Variants in FREM1 observed in about 807,000 individuals in gnomAD.
The protein encoded by FREM1 is FRAS1 related extracellular matrix 1, also known as FRAS1-related extracellular matrix protein 1.
FREM1 carries 220 observed loss-of-function variants against 210.1 expected under a neutral mutation model. That is an observed-to-expected ratio of 1.05 (90% confidence interval 0.94 to 1.17). FREM1 has a LOEUF of 1.17. Ranked by LOEUF, FREM1 falls within the 50% of genes most tolerant of loss-of-function variation. The pLI, the probability that FREM1 is intolerant of heterozygous loss-of-function variation, is 0.00. For synonymous variants in FREM1, 1,189 were observed against 980.2 expected (o/e 1.21, Z -3.98); for missense variants, 3,454 against 2,675.5 (o/e 1.29, Z -6.42).
chr9:14,738,608 A>C (rs1840842837), intron 36 of FREM1, among the ~76,000 whole-genome samples: 1 of 152,206 alleles, frequency 6.6e-6, no homozygotes, highest in African/African-American at 2.4e-5. Flanking sequence ...GTGAAAGCCA[A>C]GAGAGGGAAC....
chr9:14,781,221 G>C (rs560076007), intron 24 of FREM1, among the ~76,000 whole-genome samples: 18 of 152,212 alleles, frequency 1.2e-4, no homozygotes, highest in Admixed American at 7.8e-4. Flanking sequence ...TCGCAAGGTG[G>C]TGTCATAAGG....
At chr9:14,788,885 T>C (rs746565357) in intron 23 of FREM1, 34 bp downstream of exon 23, 4 of 1,561,202 alleles carry the variant, frequency 2.6e-6, no homozygotes, top group Non-Finnish European at 3.5e-6. Flanking sequence ...TTAGCAAAGT[T>C]GATCCCAGTA....
chr9:14,861,012 C>CAT (rs1333215742), intron 3 of FREM1, among the ~76,000 whole-genome samples: 12 of 105,416 alleles, frequency 1.1e-4, no homozygotes, highest in African/African-American at 2.3e-4. Flanking sequence ...CACATATATA[C>CAT]ATATATACAC....
intron 9 of FREM1, 64 bp downstream of exon 9, chr9:14,842,252 G>A: frequency 1.0e-6 from 1 of 981,096 alleles, no homozygotes; most frequent in Non-Finnish European, 1.5e-6. Context: ...CCAGAAGGAT[G>A]CATAGAAGGT....
intron 10 of FREM1, among the ~76,000 whole-genome samples, chr9:14,837,004 T>C (rs187359156): frequency 8.4e-4 from 128 of 152,320 alleles, no homozygotes; most frequent in Non-Finnish European, 2.2e-4. Context: ...CAGCTCTTAG[T>C]CAGGTGGGCA....
intron 1 of FREM1, among the ~76,000 whole-genome samples, chr9:14,902,019 T>G (rs945255040): frequency 6.6e-6 from 1 of 151,960 alleles, no homozygotes; most frequent in Non-Finnish European, 1.5e-5. Flanking sequence ...CTGGTTTTTT[T>G]TTTTTTTTAA....
intron 19 of FREM1, among the ~76,000 whole-genome samples, chr9:14,802,823 A>G (rs541595292): frequency 6.6e-5 from 10 of 152,210 alleles, no homozygotes; most frequent in African/African-American, 2.4e-4. Flanking sequence ...AAGGTCCATC[A>G]ATAACTATAA....
At position 14,823,321 on chromosome 9, in the gene FREM1, CA is replaced by C; in HGVS notation, c.2175del (p.Val726Ter). The C allele has an allele frequency of 6.2e-7, 1 of 1,612,770 alleles. No individual in the cohort carries two copies. ...ATGTAGGCCACTTTCATATAGTTCACAGCATGCTGCAAAGTAAGTTGAGATG... is the reference window on the plus strand; with the variant it reads ...ATGTAGGCCACTTTCATATAGTTCACGCATGCTGCAAAGTAAGTTGAGATG... ...ALELRSFTQH[A>X]VNYMKVAYMP... On this transcript the variant is annotated frameshift_variant, in exon 13 of 37. Transcript: ENST00000380880. LOFTEE classifies it high-confidence loss of function.
At chr9:14,775,751 C>T (rs781347267) in intron 25 of FREM1, 38 bp downstream of exon 25, 3 of 924,996 alleles carry the variant, frequency 3.2e-6, no homozygotes, top group Non-Finnish European at 3.3e-6. Flanking sequence ...TCACTGTTTT[C>T]ACATCTCTGG....
At position 14,792,657 on chromosome 9, in the gene FREM1, A is replaced by C. The variant is rs1388214914; in HGVS notation, c.3981+86T>G. The C allele has an allele frequency of 7.6e-6, 8 of 1,047,358 alleles. No individual in the cohort carries two copies. In the East Asian group the frequency reaches 2.1e-4, roughly 27 times the overall value. 64.9% of individuals were successfully genotyped at this position (1,047,358 alleles called of 1,614,324 possible). Reference sequence around the variant, plus strand: ...TAGGCAAATATATGTCTATCAGAGAATAAATCCCATCATAGAAATGTGTAT... The same window carrying C: ...TAGGCAAATATATGTCTATCAGAGACTAAATCCCATCATAGAAATGTGTAT... On this transcript the variant is annotated intron_variant, in intron 22 of 36. Transcript: ENST00000380880.
At position 14,750,130 on chromosome 9, in the gene FREM1, C is replaced by T. The variant is rs748811994; in HGVS notation, c.5554G>A (p.Gly1852Arg). The T allele has an allele frequency of 1.1e-5, 17 of 1,613,674 alleles. No individual in the cohort carries two copies. Among genetic ancestry groups the T allele is most frequent in the Admixed American group, 1.7e-5 (1 of 59,982 alleles). Reference sequence around the variant, plus strand: ...AAGATGAGGATCAAAAGAATACCTCCTTTTGAGTCCAAAATTTTCACTGCA... The same window carrying T: ...AAGATGAGGATCAAAAGAATACCTCTTTTTGAGTCCAAAATTTTCACTGCA... ...KAAVKILDSKGGQCHPSYSSN... is the reference protein window; with the variant it reads ...KAAVKILDSKRGQCHPSYSSN... Residue 1852 changes from glycine to arginine, a missense_variant, in exon 30 of 37, where the codon GGA (glycine) becomes AGA (arginine). Coordinates refer to ENST00000380880, the MANE Select transcript of FREM1 (RefSeq NM_001379081.2).
intron 1 of FREM1, among the ~76,000 whole-genome samples, chr9:14,882,772 G>A (rs1422868326): frequency 1.3e-5 from 2 of 151,506 alleles, no homozygotes; most frequent in Non-Finnish European, 2.9e-5. Flanking sequence ...TTCTAATCCT[G>A]ATTTTTATGA....
At chr9:14,829,392 T>C (rs983193752) in intron 10 of FREM1, among the ~76,000 whole-genome samples, 41 of 152,202 alleles carry the variant, frequency 2.7e-4, no homozygotes, top group African/African-American at 9.4e-4. Context: ...TTGGTTGCCA[T>C]GACTGTCATC....
chr9:14,745,418 C>A (rs968936784), intron 35 of FREM1, among the ~76,000 whole-genome samples: 2 of 152,100 alleles, frequency 1.3e-5, no homozygotes, highest in African/African-American at 2.4e-5. Context: ...TATTGACCAA[C>A]TGGACATCTA....
chr9:14,746,168 A>T (rs1428719615), intron 35 of FREM1, among the ~76,000 whole-genome samples, 185 bp downstream of exon 35: 1 of 152,218 alleles, frequency 6.6e-6, no homozygotes, highest in African/African-American at 2.4e-5. Context: ...AACCAAATAC[A>T]TTATCAAGGC....
chr9:14,852,294 A>G (rs899468118), intron 5 of FREM1, among the ~76,000 whole-genome samples: 1 of 152,196 alleles, frequency 6.6e-6, no homozygotes, highest in African/African-American at 2.4e-5. Flanking sequence ...CTAGGCATGC[A>G]TCCTCCCAAA....
intron 28 of FREM1, 124 bp downstream of exon 28, chr9:14,759,648 G>C: frequency 1.2e-6 from 1 of 835,922 alleles, no homozygotes; most frequent in East Asian, 2.6e-5. Flanking sequence ...CCTCAGAATA[G>C]TGGGATCTCC....
At chr9:14,795,774 G>A (rs143552270) in intron 21 of FREM1, among the ~76,000 whole-genome samples, 12 of 152,074 alleles carry the variant, frequency 7.9e-5, no homozygotes, top group African/African-American at 2.7e-4. Context: ...CACAATTTTG[G>A]TGAGGATTTA....
At chr9:14,771,597 G>A (rs1587854449) in intron 25 of FREM1, among the ~76,000 whole-genome samples, 1 of 151,992 alleles carries the variant, frequency 6.6e-6, no homozygotes, top group Non-Finnish European at 1.5e-5. Flanking sequence ...AGGTTTGGAT[G>A]GATTAGAACA....
Sources: allele counts gnomAD v4.1 joint callset (sites outside exome capture counted in the v4.1 genomes callset), GRCh38; gene constraint gnomAD v4.1.1; transcripts MANE v1.5; gene names NCBI Gene and HGNC (gene_info 2026-07-23, HGNC 2026-07-21).